Variants in CD48 observed in about 807,000 individuals in gnomAD.
CD48 encodes CD48 molecule, also known as CD48 antigen.
A neutral mutation model predicts 22.0 loss-of-function variants in CD48; 20 were observed. The observed-to-expected ratio is 0.91, with a 90% CI of 0.64 to 1.32. CD48 has a LOEUF of 1.32. CD48 is among the 40% of genes most tolerant of loss of function. The probability of loss-of-function intolerance (pLI) is 0.00; values close to 1 mark genes in which losing one functional copy is unlikely to be tolerated. For missense variants in CD48, 307 were observed against 286.5 expected, an observed-to-expected ratio of 1.07 and a Z score of -0.52; for synonymous variants, 110 against 110.1, an observed-to-expected ratio of 1.00 and a Z score of 0.01.
At chr1:160,709,006 G>T (rs1662872716) in intron 1 of CD48, among the ~76,000 whole-genome samples, 1 of 152,180 alleles carries the variant, frequency 6.6e-6, no homozygotes, top group African/African-American at 2.4e-5. Context: ...GAAGAGCCTT[G>T]CATGACTCTA....
intron 3 of CD48, among the ~76,000 whole-genome samples, 182 bp from the exon 4 acceptor site, chr1:160,679,313 T>TA (rs1026884607): frequency 1.3e-5 from 2 of 152,088 alleles, no homozygotes; most frequent in African/African-American, 4.8e-5. Context: ...ACATAAAGTA[T>TA]AAAAAATGCA....
intron 1 of CD48, chr1:160,691,779 C>G (rs1399330032): frequency 2.7e-6 from 1 of 368,454 alleles, no homozygotes; most frequent in Non-Finnish European, 4.8e-6. Flanking sequence ...GGAGGCTTTT[C>G]TCTGGGGTGA....
Position 160,681,399 on chromosome 1 carries a change from A to C in CD48, c.455T>G (p.Leu152Arg). ...AGACTCGCCAGGTATCACACATGAC[A>C]GTTTCAGATAACAGTTGTCATCCAT... ...EDMDDNCYLK[L>R]SCVIPGESVN... Residue 152 changes from leucine to arginine, a missense_variant, in exon 3 of 4, where the codon CTG (leucine) becomes CGG (arginine). By Grantham distance (102) the Leu-to-Arg change is moderately radical. Coordinates refer to ENST00000368046, the MANE Select transcript of CD48 (RefSeq NM_001778.4). 1 of 1,614,168 alleles carries C rather than the reference A, an allele frequency of 6.2e-7. No homozygotes were observed. The highest frequency in any genetic ancestry group is 8.5e-7 in the Non-Finnish European group (1 of 1,180,006).
intron 3 of CD48, chr1:160,680,678 A>G (rs1661759824): frequency 9.9e-7 from 1 of 1,011,320 alleles, no homozygotes. Flanking sequence ...GCTGGGGAGG[A>G]GAAGCTTCGC....
intron 2 of CD48, among the ~76,000 whole-genome samples, chr1:160,682,512 AAG>A: frequency 7.0e-6 from 1 of 143,054 alleles, no homozygotes; most frequent in South Asian, 2.5e-4. Flanking sequence ...AAGGGAAGAG[AAG>A]AGAGGAAAAA....
At chr1:160,694,425 A>G (rs1441054511) in intron 1 of CD48, among the ~76,000 whole-genome samples, 3 of 151,638 alleles carry the variant, frequency 2.0e-5, no homozygotes, top group Non-Finnish European at 4.4e-5. Context: ...TGGCCTAAAC[A>G]AAAGACTGTT....
chr1:160,679,400 G>C (rs566925221), intron 3 of CD48, among the ~76,000 whole-genome samples: 7 of 152,190 alleles, frequency 4.6e-5, no homozygotes, highest in African/African-American at 7.2e-5. Context: ...GCCTGGGAAA[G>C]CATTGCTCCC....
chr1:160,689,338 C>A (rs1401527892), intron 1 of CD48, among the ~76,000 whole-genome samples: 1 of 151,126 alleles, frequency 6.6e-6, no homozygotes, highest in Non-Finnish European at 1.5e-5. Flanking sequence ...GAGCATCTAT[C>A]TAGGTGAGAG....
At chr1:160,684,774 T>A (rs774397086) in intron 2 of CD48, 113 bp downstream of exon 2, 1 of 1,612,536 alleles carries the variant, frequency 6.2e-7, no homozygotes, top group Non-Finnish European at 8.5e-7. Flanking sequence ...AAACCTGTCC[T>A]GAGGTTTTTC....
chr1:160,710,343 T>G (rs1024355126), intron 1 of CD48, among the ~76,000 whole-genome samples: 4 of 152,202 alleles, frequency 2.6e-5, no homozygotes, highest in African/African-American at 9.7e-5. Context: ...CCTAGCACAA[T>G]GTCTGACACA....
At chr1:160,680,957 TATCAGAG>T in intron 3 of CD48, 1 of 1,436,226 alleles carries the variant, frequency 7.0e-7, no homozygotes, top group Non-Finnish European at 9.1e-7. Flanking sequence ...GGAAGAGGAG[TATCAGAG>T]ATCTCTCCCA....
At chr1:160,682,044 A>G (rs1661825952) in intron 2 of CD48, among the ~76,000 whole-genome samples, 1 of 152,232 alleles carries the variant, frequency 6.6e-6, no homozygotes, top group Non-Finnish European at 1.5e-5. Context: ...TGTGATAAAC[A>G]GATTGGTCTG....
At chr1:160,689,712 T>C (rs369284709) in intron 1 of CD48, among the ~76,000 whole-genome samples, 2 of 152,314 alleles carry the variant, frequency 1.3e-5, no homozygotes. Context: ...GAAGGCAATC[T>C]CTGACACAGA....
At chr1:160,697,671 C>G (rs1012817982) in intron 1 of CD48, among the ~76,000 whole-genome samples, 1 of 151,996 alleles carries the variant, frequency 6.6e-6, no homozygotes, top group African/African-American at 2.4e-5. Flanking sequence ...AAAGGGAAAA[C>G]TTGCCCCAAG....
intron 3 of CD48, chr1:160,680,672 GGGA>G (rs1410419456): frequency 3.0e-6 from 3 of 1,011,880 alleles, no homozygotes; most frequent in African/African-American, 3.5e-5. Context: ...CATCAGGCTG[GGGA>G]GGAGAAGCTT....
At chr1:160,684,847 C>G in intron 2 of CD48, 40 bp downstream of exon 2, 1 of 1,614,042 alleles carries the variant, frequency 6.2e-7, no homozygotes, top group Non-Finnish European at 8.5e-7. Context: ...CATCTGGGGC[C>G]ACTGGAGTGG....
At chr1:160,709,793 T>G (rs1267960595) in intron 1 of CD48, among the ~76,000 whole-genome samples, 1 of 152,218 alleles carries the variant, frequency 6.6e-6, no homozygotes, top group Non-Finnish European at 1.5e-5. Context: ...GTGTAACAAT[T>G]ATTTATTGAG....
chr1:160,690,892 G>A (rs1408868997), intron 1 of CD48, among the ~76,000 whole-genome samples: 1 of 152,138 alleles, frequency 6.6e-6, no homozygotes, highest in Non-Finnish European at 1.5e-5. Context: ...TCTGCCTTGA[G>A]ATGCTGTTAA....
chr1:160,705,717 G>A (rs1412051256), intron 1 of CD48, among the ~76,000 whole-genome samples: 5 of 152,074 alleles, frequency 3.3e-5, no homozygotes, highest in Admixed American at 6.5e-5. Flanking sequence ...TAATAGAAGC[G>A]GTCATAATAG....
Sources: gnomAD v4.1 joint callset for allele counts (sites outside exome capture counted in the v4.1 genomes callset) on GRCh38, gnomAD v4.1.1 for gene constraint, MANE v1.5 for transcripts, NCBI Gene and HGNC (gene_info 2026-07-23, HGNC 2026-07-21) for gene names.